ADARB2: variants seen among roughly 807,000 people sequenced by gnomAD.
The protein encoded by ADARB2 is adenosine deaminase RNA specific B2 (inactive).
In ADARB2, 25 loss-of-function variants were observed where a neutral mutation model predicts 62.2. That is an observed-to-expected ratio of 0.40 (90% CI 0.29 to 0.56). The LOEUF (loss-of-function observed/expected upper bound fraction) is 0.56. ADARB2 is among the 20% of genes least tolerant of loss of function. ADARB2 has a pLI of 0.43. For missense variants in ADARB2, 1,071 were observed against 1,077.4 expected, an observed-to-expected ratio of 0.99 and a Z score of 0.08; for synonymous variants, 572 against 500.8, an observed-to-expected ratio of 1.14 and a Z score of -1.90.
At chr10:1,226,819 T>C (rs1830751306) in intron 6 of ADARB2, among the ~76,000 whole-genome samples, 1 of 151,162 alleles carries the variant, frequency 6.6e-6, no homozygotes, top group Non-Finnish European at 1.5e-5. Context: ...AGTCTGCCTC[T>C]ATTGGGGGGG....
intron 1 of ADARB2, among the ~76,000 whole-genome samples, chr10:1,557,707 C>T (rs976015491): frequency 5.3e-5 from 8 of 152,136 alleles, no homozygotes; most frequent in African/African-American, 1.9e-4. Context: ...TGTTCGAGAC[C>T]AGCCTGACCA....
intron 1 of ADARB2, among the ~76,000 whole-genome samples, chr10:1,713,242 T>C (rs1256674764): frequency 1.3e-5 from 2 of 152,190 alleles, no homozygotes; most frequent in Admixed American, 6.5e-5. Flanking sequence ...TCCCATTCAG[T>C]TGATCTGTTT....
At chr10:1,612,114 C>T (rs1039868220) in intron 1 of ADARB2, among the ~76,000 whole-genome samples, 2 of 152,174 alleles carry the variant, frequency 1.3e-5, no homozygotes, top group Non-Finnish European at 2.9e-5. Flanking sequence ...TGACTCGGTT[C>T]CTCCCCAGGG....
chr10:1,707,506 G>A (rs1001437320), intron 1 of ADARB2, among the ~76,000 whole-genome samples: 19 of 152,190 alleles, frequency 1.2e-4, no homozygotes, highest in African/African-American at 4.3e-4. Context: ...CCTTTGAGAC[G>A]TCCTGATGCG....
chr10:1,701,758 C>T (rs1452615113), intron 1 of ADARB2, among the ~76,000 whole-genome samples: 1 of 42,734 alleles, frequency 2.3e-5, no homozygotes, highest in African/African-American at 7.6e-5. Flanking sequence ...GGAGACCAGG[C>T]GCTAGTCAAT....
intron 1 of ADARB2, among the ~76,000 whole-genome samples, chr10:1,560,611 C>A (rs1366037649): frequency 6.6e-6 from 1 of 152,122 alleles, no homozygotes; most frequent in Non-Finnish European, 1.5e-5. Context: ...AGTTCTCCAG[C>A]AAAGCTGGAG....
chr10:1,227,507 G>A (rs1830759132), intron 6 of ADARB2, among the ~76,000 whole-genome samples: 1 of 152,188 alleles, frequency 6.6e-6, no homozygotes, highest in Non-Finnish European at 1.5e-5. Context: ...CTCACGCTGG[G>A]AGCTGTAGAC....
chr10:1,248,468 G>A (rs553078029), intron 4 of ADARB2, among the ~76,000 whole-genome samples: 1 of 152,376 alleles, frequency 6.6e-6, no homozygotes, highest in African/African-American at 2.4e-5. Flanking sequence ...GGCGTGCGAC[G>A]TGTCAGTCAT....
At chr10:1,271,682 C>T (rs1171549138) in intron 3 of ADARB2, among the ~76,000 whole-genome samples, 2 of 152,224 alleles carry the variant, frequency 1.3e-5, no homozygotes, top group East Asian at 3.8e-4. Context: ...CTGCACACCC[C>T]TTAACATAAT....
At chr10:1,240,529 G>C (rs977037088) in intron 5 of ADARB2, 3 of 152,596 alleles carry the variant, frequency 2.0e-5, no homozygotes, top group Non-Finnish European at 2.9e-5. Flanking sequence ...TCCTGCCTCT[G>C]TGCCTGCACT....
chr10:1,470,856 C>T (rs7477302), intron 1 of ADARB2, among the ~76,000 whole-genome samples: 2 of 152,104 alleles, frequency 1.3e-5, no homozygotes, highest in African/African-American at 2.4e-5. Flanking sequence ...GTCAGGAGAT[C>T]GAGACCATCC....
At chr10:1,528,623 A>G (rs77512233) in intron 1 of ADARB2, among the ~76,000 whole-genome samples, 3 of 152,348 alleles carry the variant, frequency 2.0e-5, no homozygotes, top group African/African-American at 7.2e-5. Flanking sequence ...TGGTTTTCCC[A>G]TCACCCACAC....
chr10:1,732,919 C>T (rs549476536), intron 1 of ADARB2, among the ~76,000 whole-genome samples: 1 of 152,356 alleles, frequency 6.6e-6, no homozygotes, highest in Admixed American at 6.5e-5. Context: ...CAGCAACCTG[C>T]CCGTTCTCCA....
At chr10:1,423,795 T>C (rs1301714988) in intron 1 of ADARB2, among the ~76,000 whole-genome samples, 1 of 151,856 alleles carries the variant, frequency 6.6e-6, no homozygotes, top group African/African-American at 2.4e-5. Context: ...AGGTCCACTA[T>C]GCATGCAGTA....
Position 1,391,625 on chromosome 10 carries a change from T to G in ADARB2, c.101-12465A>C, listed in dbSNP as rs533814155. On this transcript the variant is annotated intron_variant, in intron 1 of 9. Transcript: ENST00000381312. ...TTTATCAAACAATTTTTAGCAAGTA[T>G]GATGAAAACTTAAAAACATCTTTTG... Among the ~76,000 whole-genome samples, 3 of 152,302 alleles carry G rather than the reference T, an allele frequency of 2.0e-5. No homozygotes were observed. In the South Asian group the frequency reaches 6.2e-4, roughly 32 times the overall value.
chr10:1,459,439 C>T (rs1331510220), intron 1 of ADARB2, among the ~76,000 whole-genome samples: 1 of 152,206 alleles, frequency 6.6e-6, no homozygotes, highest in Non-Finnish European at 1.5e-5. Context: ...AACCAAACAC[C>T]TCATGTTCTC....
At chr10:1,494,307 C>G (rs556553024) in intron 1 of ADARB2, among the ~76,000 whole-genome samples, 20 of 152,242 alleles carry the variant, frequency 1.3e-4, no homozygotes, top group African/African-American at 4.6e-4. Flanking sequence ...TGAGGTCAAT[C>G]AACTACTTTT....
At chr10:1,468,967 C>T (rs899388617) in intron 1 of ADARB2, among the ~76,000 whole-genome samples, 2 of 152,198 alleles carry the variant, frequency 1.3e-5, no homozygotes, top group Admixed American at 1.3e-4. Flanking sequence ...GGTGTCTTGC[C>T]CAAGTGGCCC....
intron 1 of ADARB2, among the ~76,000 whole-genome samples, chr10:1,454,368 G>T (rs1361737378): frequency 6.6e-6 from 1 of 152,170 alleles, no homozygotes; most frequent in Non-Finnish European, 1.5e-5. Context: ...GAAATTGAAA[G>T]CAGGGACTTG....
Sources: allele counts gnomAD v4.1 joint callset (sites outside exome capture counted in the v4.1 genomes callset), GRCh38; gene constraint gnomAD v4.1.1; transcripts MANE v1.5; gene names NCBI Gene and HGNC (gene_info 2026-07-23, HGNC 2026-07-21).